ANO3: variants seen among roughly 807,000 people sequenced by gnomAD.
ANO3 encodes the protein anoctamin-3.
Under a neutral mutation model 144.8 loss-of-function variants are expected in ANO3, and 99 were observed. The ratio of observed to expected loss-of-function variants is 0.68; its 90% CI spans 0.58 to 0.81. The LOEUF (loss-of-function observed/expected upper bound fraction) is 0.81, where lower values mean the gene tolerates loss of function less well. Ranked by LOEUF, ANO3 falls within the 30% of genes least tolerant of loss-of-function variation. The pLI is 0.00. For synonymous variants in ANO3, 414 were observed against 392.6 expected (o/e 1.05, Z -0.64); for missense variants, 905 against 1,202.2 (o/e 0.75, Z 3.66).
chr11:26,566,216 T>TA (rs1363279151), intron 14 of ANO3, among the ~76,000 whole-genome samples: 2 of 151,946 alleles, frequency 1.3e-5, no homozygotes, highest in African/African-American at 2.4e-5. Flanking sequence ...CACTCACACA[T>TA]ACACGTATAT....
At position 26,325,907 on chromosome 11, in the gene ANO3, T is replaced by C. The variant is rs911066327; in HGVS notation, c.-3+16188T>C. 1.2e-4 allele frequency among the ~76,000 whole-genome samples: 18 copies of C among 152,236 alleles called. 1 individual carries two copies. The highest frequency in any genetic ancestry group is 3.4e-3 in the Middle Eastern group (1 of 294). The stretch of plus-strand genomic sequence containing the variant: ...TCTAAGTCATCAGTCTTATTACAGG[T>C]TAGAGACCTAGATCCAAGGAGGCAA... On this transcript the variant is annotated intron_variant, in intron 1 of 26. Coordinates refer to the ANO3 transcript ENST00000525139.
intron 20 of ANO3, among the ~76,000 whole-genome samples, chr11:26,635,834 A>C (rs1440310704): frequency 6.6e-6 from 1 of 152,214 alleles, no homozygotes; most frequent in Non-Finnish European, 1.5e-5. Context: ...CTATATTCTA[A>C]TTCTTCCCAC....
chr11:26,575,691 C>A lies in ANO3; in HGVS notation c.1447+15912C>A, dbSNP rs372592767. ...TCACAAAATTATTTTAGCGATTACACAATCATTTTCAAAACCACTGACATT... is the reference window on the plus strand; with the variant it reads ...TCACAAAATTATTTTAGCGATTACAAAATCATTTTCAAAACCACTGACATT... On this transcript the variant is annotated intron_variant, in intron 14 of 26. Transcript: ENST00000256737. 3.3e-5 allele frequency among the ~76,000 whole-genome samples: 5 copies of A among 152,228 alleles called. No homozygotes were observed. In the East Asian group the frequency reaches 9.6e-4, roughly 29 times the overall value.
intron 1 of ANO3, among the ~76,000 whole-genome samples, chr11:26,341,359 T>C (rs1175800883): frequency 6.6e-5 from 10 of 152,172 alleles, no homozygotes; most frequent in African/African-American, 2.4e-5. Context: ...ATAAAAGATA[T>C]TATGTCATAA....
intron 10 of ANO3, among the ~76,000 whole-genome samples, chr11:26,540,884 G>T (rs1419607973): frequency 6.6e-6 from 1 of 152,122 alleles, no homozygotes; most frequent in African/African-American, 2.4e-5. Flanking sequence ...GGAAGACAGA[G>T]TAGCGATCCT....
intron 1 of ANO3, among the ~76,000 whole-genome samples, chr11:26,272,365 A>C (rs1853458677): frequency 6.6e-6 from 1 of 152,186 alleles, no homozygotes. Flanking sequence ...TGTTTTAATA[A>C]AATGAAAAGG....
At chr11:26,214,852 C>T (rs1376725251) in intron 1 of ANO3, among the ~76,000 whole-genome samples, 1 of 151,910 alleles carries the variant, frequency 6.6e-6, no homozygotes, top group African/African-American at 2.4e-5. Context: ...TGCCATGATT[C>T]TCTTGGCCTT....
At chr11:26,527,979 T>A (rs1849208369) in intron 7 of ANO3, among the ~76,000 whole-genome samples, 1 of 152,184 alleles carries the variant, frequency 6.6e-6, no homozygotes, top group Admixed American at 6.5e-5. Context: ...TAATCCAGAC[T>A]TATTTTCAAT....
At chr11:26,226,375 A>G (rs66500173) in intron 1 of ANO3, among the ~76,000 whole-genome samples, 48,288 of 151,980 alleles carry the variant, frequency 0.32, 8,484 homozygotes, top group Non-Finnish European at 0.38. Context: ...AGTTCTTTCA[A>G]TTTTGGTTAT....
At position 26,656,112 on chromosome 11, in the gene ANO3, T is replaced by C; in HGVS notation, c.2577-13T>C. On this transcript the variant is annotated splice_polypyrimidine_tract_variant and intron_variant, in intron 24 of 26. Transcript: ENST00000256737. ...GAATCTTTGAATCACATGATATTTT[T>C]CTTTTCTCCCAGTTGCTTGAAGGGA... 6.3e-7 allele frequency: 1 copy of C among 1,598,572 alleles called. No individual in the cohort carries two copies. Among genetic ancestry groups the C allele is most frequent in the East Asian group, 2.2e-5 (1 of 44,786 alleles).
intron 1 of ANO3, among the ~76,000 whole-genome samples, chr11:26,356,450 C>G (rs1381061606): frequency 6.6e-6 from 1 of 152,138 alleles, no homozygotes; most frequent in African/African-American, 2.4e-5. Flanking sequence ...GCTTCTGTCA[C>G]TATAGATTGC....
At chr11:26,486,366 A>AG (rs1860450508) in intron 4 of ANO3, among the ~76,000 whole-genome samples, 1 of 151,224 alleles carries the variant, frequency 6.6e-6, no homozygotes, top group Admixed American at 6.6e-5. Flanking sequence ...GTCTCAAAAA[A>AG]AAAAAAAAAA....
chr11:26,327,768 C>T (rs912725708), upstream of ANO3, among the ~76,000 whole-genome samples: 1 of 152,130 alleles, frequency 6.6e-6, no homozygotes, highest in Non-Finnish European at 1.5e-5. Flanking sequence ...TGAACATATG[C>T]AAACACCTGT....
chr11:26,381,112 G>A, intron 1 of ANO3, among the ~76,000 whole-genome samples: 1 of 152,174 alleles, frequency 6.6e-6, no homozygotes. Flanking sequence ...AAGGTAACCT[G>A]AGATTATTGT....
intron 1 of ANO3, among the ~76,000 whole-genome samples, chr11:26,438,156 T>C (rs1858360730): frequency 6.6e-6 from 1 of 152,198 alleles, no homozygotes; most frequent in African/African-American, 2.4e-5. Flanking sequence ...TGATTATTTA[T>C]AATTTCAATA....
At chr11:26,488,089 C>T (rs1452204491) in intron 4 of ANO3, among the ~76,000 whole-genome samples, 1 of 152,034 alleles carries the variant, frequency 6.6e-6, no homozygotes, top group Non-Finnish European at 1.5e-5. Flanking sequence ...TCACTTGAAC[C>T]CAGGAGGTGG....
intron 1 of ANO3, among the ~76,000 whole-genome samples, chr11:26,346,987 A>C (rs1360458492): frequency 6.6e-6 from 1 of 152,230 alleles, no homozygotes; most frequent in Non-Finnish European, 1.5e-5. Flanking sequence ...CTGGGAGCTG[A>C]TCCAGCACTG....
chr11:26,503,033 T>G (rs932401761), intron 4 of ANO3, among the ~76,000 whole-genome samples: 1 of 152,172 alleles, frequency 6.6e-6, no homozygotes, highest in Non-Finnish European at 1.5e-5. Flanking sequence ...TGCATATTCT[T>G]GAGATAATTT....
chr11:26,369,486 GAGGTA>G (rs1425736235), intron 1 of ANO3, among the ~76,000 whole-genome samples: 2 of 151,996 alleles, frequency 1.3e-5, no homozygotes. Context: ...CTGAGGCTAA[GAGGTA>G]TTATATAAAG....
Sources: gnomAD v4.1 joint callset for allele counts (sites outside exome capture counted in the v4.1 genomes callset) on GRCh38, gnomAD v4.1.1 for gene constraint, MANE v1.5 for transcripts, NCBI Gene and HGNC (gene_info 2026-07-23, HGNC 2026-07-21) for gene names.